The following CNTNAP2 variants were observed in gnomAD, a reference collection of about 807,000 sequenced individuals.
CNTNAP2 encodes contactin associated protein 2.
CNTNAP2 carries 98 observed loss-of-function variants against 155.2 expected under a neutral mutation model. That is an observed-to-expected ratio of 0.63 (90% CI 0.54 to 0.75). The LOEUF is 0.75. CNTNAP2 is among the 30% of genes least tolerant of loss of function. CNTNAP2 has a pLI of 0.00. For missense variants in CNTNAP2, 1,727 were observed against 1,688.1 expected, an observed-to-expected ratio of 1.02 and a Z score of -0.40; for synonymous variants, 651 against 631.2, an observed-to-expected ratio of 1.03 and a Z score of -0.47.
At chr7:146,580,791 C>T (rs116698719) in intron 1 of CNTNAP2, among the ~76,000 whole-genome samples, 2,943 of 152,064 alleles carry the variant, frequency 0.019, 115 homozygotes, top group African/African-American at 0.066. Flanking sequence ...ATATTTTGTA[C>T]GTTTTCATCA....
intron 1 of CNTNAP2, among the ~76,000 whole-genome samples, chr7:146,709,808 T>C (rs972961920): frequency 6.6e-5 from 10 of 152,138 alleles, no homozygotes; most frequent in Non-Finnish European, 1.3e-4. Context: ...AGAGGCATAC[T>C]GGCCACAAAG....
chr7:147,204,758 T>A (rs1802986506), intron 8 of CNTNAP2, among the ~76,000 whole-genome samples: 1 of 152,092 alleles, frequency 6.6e-6, no homozygotes, highest in Non-Finnish European at 1.5e-5. Context: ...GTGCAGAGTA[T>A]ATGTAAATCT....
chr7:147,955,614 T>C (rs1801006304), intron 14 of CNTNAP2, among the ~76,000 whole-genome samples: 1 of 152,154 alleles, frequency 6.6e-6, no homozygotes, highest in African/African-American at 2.4e-5. Flanking sequence ...TTCTGATATG[T>C]AGTGGAGGAA....
At chr7:146,501,323 C>T (rs1395003691) in intron 1 of CNTNAP2, among the ~76,000 whole-genome samples, 1 of 151,980 alleles carries the variant, frequency 6.6e-6, no homozygotes, top group African/African-American at 2.4e-5. Flanking sequence ...TAGAATTCAC[C>T]AGTGAATCTA....
At position 148,135,643 on chromosome 7, in the gene CNTNAP2, G is replaced by A. The variant is rs577731881; in HGVS notation, c.2555-11848G>A. Among the ~76,000 whole-genome samples, 133 of 151,854 alleles carry A rather than the reference G, an allele frequency of 8.8e-4. 4 individuals are homozygous for A. The South Asian group carries it at 0.026, about 29-fold the overall frequency. Reference sequence around the variant, plus strand: ...GCAGGTGGATCACCTGAGGTCAGGAGCTCCAGAAAAACCTGGTCAACATGG... The same window carrying A: ...GCAGGTGGATCACCTGAGGTCAGGAACTCCAGAAAAACCTGGTCAACATGG... On this transcript the variant is annotated intron_variant, in intron 16 of 23. Coordinates refer to ENST00000361727, the MANE Select transcript of CNTNAP2 (RefSeq NM_014141.6).
At chr7:146,549,857 C>A (rs1307596409) in intron 1 of CNTNAP2, among the ~76,000 whole-genome samples, 16 of 152,028 alleles carry the variant, frequency 1.1e-4, no homozygotes, top group Admixed American at 1.1e-3. Context: ...CCAACACAAC[C>A]ATATATCAAC....
intron 1 of CNTNAP2, among the ~76,000 whole-genome samples, chr7:146,563,701 A>G (rs1202298160): frequency 6.6e-6 from 1 of 152,172 alleles, no homozygotes; most frequent in East Asian, 1.9e-4. Flanking sequence ...GCAATGCAAT[A>G]TCTTAAGACC....
At chr7:147,961,959 C>T (rs1001252835) in intron 14 of CNTNAP2, among the ~76,000 whole-genome samples, 2 of 152,082 alleles carry the variant, frequency 1.3e-5, no homozygotes, top group Admixed American at 1.3e-4. Context: ...ATAGGAAAGG[C>T]AACAGAAAAG....
intron 3 of CNTNAP2, among the ~76,000 whole-genome samples, chr7:146,886,586 C>T (rs556174055): frequency 1.3e-5 from 2 of 152,092 alleles, no homozygotes; most frequent in East Asian, 1.9e-4. Context: ...TTCTACCAAT[C>T]TCTCTTTAAA....
intron 1 of CNTNAP2, among the ~76,000 whole-genome samples, chr7:146,157,099 T>G (rs1374622888): frequency 6.6e-6 from 1 of 152,132 alleles, no homozygotes; most frequent in East Asian, 1.9e-4. Flanking sequence ...TCAATCTAAC[T>G]TAGGTTAAAA....
At chr7:146,819,497 C>T (rs2129195733) in intron 2 of CNTNAP2, among the ~76,000 whole-genome samples, 1 of 152,228 alleles carries the variant, frequency 6.6e-6, no homozygotes, top group South Asian at 2.1e-4. Flanking sequence ...TCTTTTTCCT[C>T]TAAATAGTTA....
chr7:147,411,614 G>T (rs1465519411), intron 10 of CNTNAP2, among the ~76,000 whole-genome samples: 2 of 152,120 alleles, frequency 1.3e-5, no homozygotes, highest in Admixed American at 1.3e-4. Context: ...TAAGATTGCT[G>T]CTAGAACTCC....
chr7:146,965,977 A>T (rs561529582), intron 3 of CNTNAP2, among the ~76,000 whole-genome samples: 11 of 151,884 alleles, frequency 7.2e-5, no homozygotes, highest in African/African-American at 2.4e-4. Flanking sequence ...ATCAGTTCTG[A>T]CTCTCTCATG....
At chr7:147,838,126 G>A (rs1012734286) in intron 13 of CNTNAP2, among the ~76,000 whole-genome samples, 1 of 152,172 alleles carries the variant, frequency 6.6e-6, no homozygotes, top group Non-Finnish European at 1.5e-5. Flanking sequence ...TGAAACCATT[G>A]TCCAACCTGT....
At chr7:146,537,714 C>G (rs1469970078) in intron 1 of CNTNAP2, among the ~76,000 whole-genome samples, 1 of 152,036 alleles carries the variant, frequency 6.6e-6, no homozygotes, top group African/African-American at 2.4e-5. Flanking sequence ...GGACAGTGAG[C>G]ATTTCAGGCA....
chr7:146,730,156 A>C (rs2129179233), intron 1 of CNTNAP2, among the ~76,000 whole-genome samples: 1 of 152,328 alleles, frequency 6.6e-6, no homozygotes, highest in Admixed American at 6.5e-5. Context: ...AAATCAAAAG[A>C]AACATACTGA....
intron 3 of CNTNAP2, among the ~76,000 whole-genome samples, chr7:146,902,339 A>T (rs1796021097): frequency 6.6e-6 from 1 of 152,166 alleles, no homozygotes; most frequent in Non-Finnish European, 1.5e-5. Context: ...CTTTTGAAAT[A>T]TACTTTGTTT....
At chr7:146,912,946 T>A (rs1414196568) in intron 3 of CNTNAP2, among the ~76,000 whole-genome samples, 1 of 152,208 alleles carries the variant, frequency 6.6e-6, no homozygotes, top group Non-Finnish European at 1.5e-5. Context: ...AACATTTCAT[T>A]TGCTCCCTTC....
At chr7:146,283,226 A>G (rs570548452) in intron 1 of CNTNAP2, among the ~76,000 whole-genome samples, 14 of 152,360 alleles carry the variant, frequency 9.2e-5, no homozygotes, top group African/African-American at 3.4e-4. Context: ...ACTTAAAAAC[A>G]TCAAATATAC....
Sources: gnomAD v4.1 joint callset for allele counts (sites outside exome capture counted in the v4.1 genomes callset) on GRCh38, gnomAD v4.1.1 for gene constraint, MANE v1.5 for transcripts, NCBI Gene and HGNC (gene_info 2026-07-23, HGNC 2026-07-21) for gene names.